TRAPPC8: variants seen among roughly 807,000 people sequenced by gnomAD.
TRAPPC8 encodes the protein trafficking protein particle complex subunit 8, also known as general sporulation gene 1 homolog.
In TRAPPC8, 54 loss-of-function variants were observed where a neutral mutation model predicts 174.3. The observed-to-expected ratio is 0.31, with a 90% CI of 0.25 to 0.39. The LOEUF (loss-of-function observed/expected upper bound fraction) is 0.39. Among genes scored for constraint, TRAPPC8 ranks in the 10% least tolerant of loss-of-function variants. TRAPPC8 has a pLI of 1.00. For missense variants in TRAPPC8, 1,531 were observed against 1,699.1 expected (o/e 0.90, Z 1.74); for synonymous variants, 630 against 579.9 (o/e 1.09, Z -1.24).
At chr18:31,918,342 G>T (rs2037236674) in intron 2 of TRAPPC8, among the ~76,000 whole-genome samples, 1 of 151,986 alleles carries the variant, frequency 6.6e-6, no homozygotes, top group South Asian at 2.1e-4. Context: ...TATTTCTTTA[G>T]AACTCAAGTT....
chr18:31,871,936 G>C (rs751474121), intron 14 of TRAPPC8, among the ~76,000 whole-genome samples: 16 of 151,922 alleles, frequency 1.1e-4, no homozygotes, highest in Non-Finnish European at 2.1e-4. Context: ...GAATGACAAA[G>C]TTTAACAGCC....
chr18:31,838,349 C>T (rs1035352137), intron 27 of TRAPPC8, among the ~76,000 whole-genome samples: 4 of 152,170 alleles, frequency 2.6e-5, no homozygotes, highest in East Asian at 1.9e-4. Context: ...CACTACATAA[C>T]GTGTAAGAAG....
At position 31,909,661 on chromosome 18, in the gene TRAPPC8, CA is replaced by C. The variant is rs769472562; in HGVS notation, c.865+5del. On this transcript the variant is annotated splice_donor_5th_base_variant and intron_variant, in intron 6 of 28. Transcript: ENST00000283351. ...AAAGAGAAACTTAGAGAAAATATAT[CA>C]AGACCTTTGACTTCGTTATCTAATC... 2.5e-6 allele frequency: 4 copies of C among 1,590,680 alleles called. No individual in the cohort carries two copies. Among genetic ancestry groups the C allele is most frequent in the Non-Finnish European group, 3.4e-6 (4 of 1,173,674 alleles).
At chr18:31,938,958 T>C (rs1008996900) in intron 1 of TRAPPC8, among the ~76,000 whole-genome samples, 1 of 151,938 alleles carries the variant, frequency 6.6e-6, no homozygotes, top group African/African-American at 2.4e-5. Context: ...CACGAGCCTG[T>C]AGTCCCAGCT....
intron 12 of TRAPPC8, among the ~76,000 whole-genome samples, chr18:31,876,695 A>T: frequency 6.6e-6 from 1 of 152,132 alleles, no homozygotes; most frequent in Admixed American, 6.5e-5. Flanking sequence ...GTGCTGAGGA[A>T]CACAAAACCC....
chr18:31,917,723 C>G, intron 2 of TRAPPC8, 56 bp from the exon 3 acceptor site: 1 of 1,493,868 alleles, frequency 6.7e-7, no homozygotes, highest in Non-Finnish European at 9.1e-7. Context: ...CAGTTTACAA[C>G]AGACAAAATT....
At chr18:31,898,723 A>G (rs2036286199) in intron 10 of TRAPPC8, among the ~76,000 whole-genome samples, 1 of 152,188 alleles carries the variant, frequency 6.6e-6, no homozygotes, top group African/African-American at 2.4e-5. Context: ...TAATCAGTTG[A>G]TTTTGTGGAC....
At chr18:31,913,654 A>G (rs1568129271) in intron 4 of TRAPPC8, 132 bp from the exon 5 acceptor site, 5 of 663,476 alleles carry the variant, frequency 7.5e-6, no homozygotes, top group East Asian at 3.2e-5. Context: ...GAAAAATATA[A>G]AAGAGGACAT....
rs2032325502 is a variant in TRAPPC8 at position 31,830,941 on chromosome 18, T to C, written c.4122A>G (p.Thr1374=). 1.2e-6 allele frequency: 2 copies of C among 1,614,050 alleles called. No individual in the cohort carries two copies. Among genetic ancestry groups the C allele is most frequent in the Admixed American group, 1.7e-5 (1 of 60,006 alleles). The part of the protein sequence containing the change: ...IHGSFTWLGQ[T]QYKLQLKSQE... ...GGCTTTTAAGTTGAAGTTTATACTG[T>C]GTTTGTCCAAGCCATGTGAATGATC... Residue 1374 remains threonine, a synonymous_variant, in exon 29 of 29, where the codon ACA becomes ACG. Coordinates refer to ENST00000283351, the MANE Select transcript of TRAPPC8 (RefSeq NM_014939.5).
intron 12 of TRAPPC8, among the ~76,000 whole-genome samples, chr18:31,880,208 A>G (rs2035380742): frequency 2.0e-5 from 3 of 149,570 alleles, no homozygotes; most frequent in Admixed American, 1.3e-4. Context: ...CACAAAAAGA[A>G]AACAAGTCAA....
intron 1 of TRAPPC8, among the ~76,000 whole-genome samples, chr18:31,938,840 G>C (rs1442480812): frequency 6.6e-6 from 1 of 152,116 alleles, no homozygotes; most frequent in Non-Finnish European, 1.5e-5. Flanking sequence ...CCAGCACTTT[G>C]GGAGGCCAAG....
At chr18:31,926,476 T>TG (rs1454878757) in intron 2 of TRAPPC8, 1 of 151,772 alleles carries the variant, frequency 6.6e-6, no homozygotes, top group African/African-American at 2.4e-5. Flanking sequence ...GTTTTGGTTT[T>TG]TTTTTTTTTG....
intron 19 of TRAPPC8, among the ~76,000 whole-genome samples, chr18:31,863,449 G>A (rs1568059625): frequency 6.6e-6 from 1 of 152,060 alleles, no homozygotes; most frequent in Non-Finnish European, 1.5e-5. Flanking sequence ...AAAACTAGAA[G>A]TAAACCCATT....
At chr18:31,936,872 A>G (rs1167647849) in intron 1 of TRAPPC8, among the ~76,000 whole-genome samples, 1 of 134,882 alleles carries the variant, frequency 7.4e-6, no homozygotes, top group African/African-American at 2.8e-5. Flanking sequence ...ACGGCACTGC[A>G]GTCTGGGTGA....
At chr18:31,854,074 C>G (rs567208709) in intron 21 of TRAPPC8, 129 bp from the exon 22 acceptor site, 75 of 697,028 alleles carry the variant, frequency 1.1e-4, no homozygotes, top group Non-Finnish European at 1.5e-4. Flanking sequence ...TTACAATATA[C>G]ATTTCCAAAA....
intron 12 of TRAPPC8, among the ~76,000 whole-genome samples, chr18:31,880,630 A>G (rs890199354): frequency 5.3e-5 from 8 of 152,246 alleles, no homozygotes; most frequent in African/African-American, 1.4e-4. Context: ...CTTCTATTCA[A>G]CATAGTACTA....
At chr18:31,922,991 TG>T (rs969500863) in intron 2 of TRAPPC8, among the ~76,000 whole-genome samples, 1 of 152,158 alleles carries the variant, frequency 6.6e-6, no homozygotes, top group Non-Finnish European at 1.5e-5. Context: ...AACTCCAGCA[TG>T]GGTGACATAA....
intron 12 of TRAPPC8, among the ~76,000 whole-genome samples, chr18:31,875,693 T>C (rs1865114702): frequency 6.6e-6 from 1 of 152,324 alleles, no homozygotes; most frequent in South Asian, 2.1e-4. Flanking sequence ...CAGAATGATA[T>C]ACAAGATGTG....
At chr18:31,932,230 A>C (rs997710447) in intron 1 of TRAPPC8, among the ~76,000 whole-genome samples, 2 of 152,148 alleles carry the variant, frequency 1.3e-5, no homozygotes, top group Admixed American at 6.6e-5. Context: ...GTTGGAGACA[A>C]GCCTGGCCAA....
Sources: gnomAD v4.1 joint callset for allele counts (sites outside exome capture counted in the v4.1 genomes callset) on GRCh38, gnomAD v4.1.1 for gene constraint, MANE v1.5 for transcripts, NCBI Gene and HGNC (gene_info 2026-07-23, HGNC 2026-07-21) for gene names.